The following AGPAT3 variants were observed in gnomAD, a reference collection of about 807,000 sequenced individuals.
AGPAT3 encodes 1-acyl-sn-glycerol-3-phosphate acyltransferase gamma.
AGPAT3 carries 5 observed loss-of-function variants against 47.3 expected under a neutral mutation model. The observed-to-expected ratio is 0.11, with a 90% CI of 0.06 to 0.22. The LOEUF is 0.22. Ranked by LOEUF, AGPAT3 falls within the 10% of genes least tolerant of loss-of-function variation. The pLI, the probability that AGPAT3 is intolerant of heterozygous loss-of-function variation, is 1.00. For synonymous variants in AGPAT3, 212 were observed against 208.3 expected, an observed-to-expected ratio of 1.02 and a Z score of -0.15; for missense variants, 315 against 493.0, an observed-to-expected ratio of 0.64 and a Z score of 3.42.
At chr21:43,918,440 G>A (rs2086807902) in intron 2 of AGPAT3, among the ~76,000 whole-genome samples, 1 of 152,078 alleles carries the variant, frequency 6.6e-6, no homozygotes, top group Non-Finnish European at 1.5e-5. Context: ...CATTTCTAAA[G>A]GGCTATGTAG....
chr21:43,942,448 C>T (rs749727333), intron 2 of AGPAT3, among the ~76,000 whole-genome samples: 6 of 152,188 alleles, frequency 3.9e-5, no homozygotes, highest in South Asian at 2.1e-4. Context: ...ATTCGCCACA[C>T]GTGCCCAGGT....
Position 43,978,051 on chromosome 21 carries a change from T to A in AGPAT3, c.773T>A (p.Phe258Tyr). 5 of 1,612,814 alleles carry A rather than the reference T, an allele frequency of 3.1e-6. No homozygotes were observed. The highest frequency in any genetic ancestry group is 4.2e-6 in the Non-Finnish European group (5 of 1,179,438). ...GAATCTTCTTCATAAAACAGGAGAT[T>A]TCCTCTGGAAGACATCCCGCTGGAT... Reference protein sequence around the residue: ...KYEADMCVRRFPLEDIPLDEK... With the variant: ...KYEADMCVRRYPLEDIPLDEK... The change falls in exon 8 of 10, where the codon TTT (phenylalanine) becomes TAT (tyrosine). Residue 258 changes from phenylalanine (F) to tyrosine (Y), a missense_variant. Transcript: ENST00000291572.
intron 2 of AGPAT3, among the ~76,000 whole-genome samples, chr21:43,942,235 T>A (rs2087682771): frequency 6.6e-6 from 1 of 152,096 alleles, no homozygotes; most frequent in Admixed American, 6.5e-5. Flanking sequence ...GGCGGCTTGG[T>A]TTTTTTGTGG....
At chr21:43,905,441 G>A (rs1278882984) in intron 2 of AGPAT3, among the ~76,000 whole-genome samples, 2 of 152,096 alleles carry the variant, frequency 1.3e-5, no homozygotes, top group East Asian at 3.9e-4. Context: ...ACCTGCCTCG[G>A]CCTCCCAAAG....
At position 43,920,037 on chromosome 21, in the gene AGPAT3, G is replaced by A. The variant is rs2086852581; in HGVS notation, c.-49+16018G>A. 1 of 152,228 alleles carries A rather than the reference G, an allele frequency of 6.6e-6. No homozygotes were observed. Among genetic ancestry groups the A allele is most frequent in the Non-Finnish European group, 1.5e-5 (1 of 68,054 alleles). 9.4% of individuals were successfully genotyped at this position (152,228 alleles called of 1,614,324 possible). On this transcript the variant is annotated intron_variant, in intron 2 of 9. Transcript: ENST00000291572. The surrounding 1 kb of genome is among the most constrained non-coding windows in gnomAD (Gnocchi z 6.1). ...GCATCTCCATGCTTGGAGTCCGCGG[G>A]GGGTCTCCAGACAGGATCCTGGTTG...
chr21:43,928,656 T>G (rs1313623347), intron 2 of AGPAT3, among the ~76,000 whole-genome samples: 5 of 152,230 alleles, frequency 3.3e-5, no homozygotes, highest in African/African-American at 1.2e-4. Flanking sequence ...CCAACAGATT[T>G]CACGTCTGAA....
In AGPAT3 at chr21:43,899,730, C is replaced by T. The variant is rs543311417; in HGVS notation, c.-111-4227C>T. ...CTGGTCCCCCAGGAGGCTTCCCAGG[C>T]ATCACCTCGTGTGTGTGTGTGCAGC... is the stretch of plus-strand genomic sequence containing the variant. On this transcript the variant is annotated intron_variant, in intron 1 of 9. Coordinates refer to ENST00000291572, the MANE Select transcript of AGPAT3 (RefSeq NM_020132.5). Among the ~76,000 whole-genome samples the T allele has an allele frequency of 2.4e-4, 36 of 152,310 alleles. No homozygotes were observed. In the South Asian group the frequency reaches 7.0e-3, roughly 30 times the overall value.
intron 7 of AGPAT3, among the ~76,000 whole-genome samples, chr21:43,972,132 G>A (rs956455668): frequency 6.7e-6 from 1 of 148,804 alleles, no homozygotes; most frequent in Non-Finnish European, 1.5e-5. Context: ...TGAAGGGAAA[G>A]GAAGAGCCTG....
chr21:43,903,243 C>G (rs888862902), intron 1 of AGPAT3, among the ~76,000 whole-genome samples: 3 of 152,064 alleles, frequency 2.0e-5, no homozygotes, highest in Admixed American at 6.6e-5. Flanking sequence ...TGGTGGGTGC[C>G]AGGGGCTAGC....
chr21:43,972,451 GC>G (rs1306481427), intron 7 of AGPAT3, among the ~76,000 whole-genome samples: 1 of 152,194 alleles, frequency 6.6e-6, no homozygotes, highest in East Asian at 1.9e-4. Flanking sequence ...GGGCCGAAGA[GC>G]CTTTTTCAAA....
chr21:43,925,704 C>G (rs1040147381), intron 2 of AGPAT3, among the ~76,000 whole-genome samples: 1 of 152,246 alleles, frequency 6.6e-6, no homozygotes, highest in Non-Finnish European at 1.5e-5. Flanking sequence ...GCTTGTTGCC[C>G]CTGCACCCCA....
chr21:43,978,569 A>T (rs1319537835), intron 8 of AGPAT3, among the ~76,000 whole-genome samples: 1 of 152,230 alleles, frequency 6.6e-6, no homozygotes, highest in South Asian at 2.1e-4. Context: ...TCGGCCTCCC[A>T]AAGTGCTGGG....
intron 7 of AGPAT3, among the ~76,000 whole-genome samples, chr21:43,977,172 T>C (rs1261637546): frequency 4.6e-5 from 7 of 152,224 alleles, no homozygotes; most frequent in Non-Finnish European, 2.9e-5. Flanking sequence ...AGATTAGCAC[T>C]TAATCTTGGT....
At chr21:43,885,218 G>A (rs1359087556) in intron 1 of AGPAT3, among the ~76,000 whole-genome samples, 1 of 152,238 alleles carries the variant, frequency 6.6e-6, no homozygotes, top group Non-Finnish European at 1.5e-5. Context: ...CTGGGTGCAG[G>A]AGGCCTGGGC....
chr21:43,975,309 A>AGTGTGCTGGCGTGTGGTATGTTCTGGT (rs1569106657), intron 7 of AGPAT3, among the ~76,000 whole-genome samples: 1 of 124,614 alleles, frequency 8.0e-6, no homozygotes, highest in African/African-American at 3.2e-5. Flanking sequence ...GCTGGCATGT[A>AGTGTGCTGGCGTGTGGTATGTTCTGGT]GTGTGCTGGC....
intron 2 of AGPAT3, chr21:43,925,425 AG>A: frequency 6.6e-6 from 1 of 152,632 alleles, no homozygotes; most frequent in Non-Finnish European, 1.5e-5. Context: ...CACTCCAGCC[AG>A]GGACCTGCCC....
rs764428235 is a variant in AGPAT3 at position 43,910,486 on chromosome 21, CAGGTGAATTA to C, written c.-49+6468_-49+6477del. Among the ~76,000 whole-genome samples, 62 of 152,304 alleles carry C rather than the reference CAGGTGAATTA, an allele frequency of 4.1e-4. No homozygotes were observed. The South Asian group carries it at 5.0e-3, about 12-fold the overall frequency. ...GGTGAATTAGTGAATTAGGTGAATA[CAGGTGAATTA>C]GTCCTAATTAGGTGAATTAAGTGAA... is the stretch of plus-strand genomic sequence containing the variant. On this transcript the variant is annotated intron_variant, in intron 2 of 9. Coordinates refer to ENST00000291572, the MANE Select transcript of AGPAT3 (RefSeq NM_020132.5).
chr21:43,878,590 G>A (rs992933003), intron 1 of AGPAT3, among the ~76,000 whole-genome samples: 1 of 152,246 alleles, frequency 6.6e-6, no homozygotes, highest in African/African-American at 2.4e-5. Flanking sequence ...GGATTGCTGA[G>A]TAAAGGGTCT....
chr21:43,971,105 C>T (rs200798311), intron 6 of AGPAT3, among the ~76,000 whole-genome samples: 2 of 152,094 alleles, frequency 1.3e-5, no homozygotes, highest in African/African-American at 4.8e-5. Context: ...AAGAAAGGGA[C>T]AAAGAACAGA....
Sources: allele counts gnomAD v4.1 joint callset (sites outside exome capture counted in the v4.1 genomes callset), GRCh38; gene constraint gnomAD v4.1.1; non-coding constraint Gnocchi (gnomAD v3.1); transcripts MANE v1.5; gene names NCBI Gene and HGNC (gene_info 2026-07-23, HGNC 2026-07-21).